The following CDH18 variants were observed in gnomAD, a reference collection of about 807,000 sequenced individuals.
The protein encoded by CDH18 is cadherin 18.
In CDH18, 31 loss-of-function variants were observed where a neutral mutation model predicts 67.9. The ratio of observed to expected loss-of-function variants is 0.46; its 90% confidence interval spans 0.34 to 0.62. The LOEUF is 0.62. Ranked by LOEUF, CDH18 falls within the 20% of genes least tolerant of loss-of-function variation. The pLI is 0.01. For missense variants in CDH18, 890 were observed against 975.5 expected (o/e 0.91, Z 1.17); for synonymous variants, 362 against 347.2 (o/e 1.04, Z -0.48).
At chr5:20,234,384 T>C (rs939325967) in intron 2 of CDH18, among the ~76,000 whole-genome samples, 1 of 152,206 alleles carries the variant, frequency 6.6e-6, no homozygotes, top group African/African-American at 2.4e-5. Flanking sequence ...CCTATCATTC[T>C]ATCTCTAAAC....
chr5:19,628,424 T>G (rs1751881831), intron 5 of CDH18, among the ~76,000 whole-genome samples: 1 of 152,108 alleles, frequency 6.6e-6, no homozygotes, highest in Admixed American at 6.6e-5. Context: ...ATAAATTGTG[T>G]GGAACAATGA....
intron 1 of CDH18, among the ~76,000 whole-genome samples, chr5:20,491,205 T>TTATTAC (rs974342344): frequency 1.3e-5 from 2 of 150,420 alleles, no homozygotes; most frequent in African/African-American, 4.9e-5. Context: ...TTTATTATTA[T>TTATTAC]TATTATTATT....
At chr5:19,898,962 T>C (rs568107317) in intron 2 of CDH18, among the ~76,000 whole-genome samples, 25 of 152,110 alleles carry the variant, frequency 1.6e-4, no homozygotes, top group Non-Finnish European at 2.9e-4. Flanking sequence ...CAAGAGCAAA[T>C]AACCAAATAA....
chr5:20,173,894 AG>A (rs1352157460), intron 2 of CDH18, among the ~76,000 whole-genome samples: 3 of 152,170 alleles, frequency 2.0e-5, no homozygotes, highest in Non-Finnish European at 4.4e-5. Flanking sequence ...TCTATGTAGT[AG>A]TGGGCTAAAA....
At chr5:20,034,044 T>C (rs950965686) in intron 2 of CDH18, among the ~76,000 whole-genome samples, 1 of 152,030 alleles carries the variant, frequency 6.6e-6, no homozygotes, top group African/African-American at 2.4e-5. Flanking sequence ...ATAAAACAGA[T>C]GGCAGTGGAA....
chr5:20,095,603 G>GAAAGAAAGAAGAAAGAAAGA (rs1561786778), intron 2 of CDH18, among the ~76,000 whole-genome samples: 6 of 141,642 alleles, frequency 4.2e-5, no homozygotes, highest in South Asian at 2.2e-4. Context: ...AAAGAAGAAA[G>GAAAGAAAGAAGAAAGAAAGA]AAAGAAAAGA....
chr5:20,246,549 T>C (rs1043714751), intron 2 of CDH18, among the ~76,000 whole-genome samples: 3 of 151,816 alleles, frequency 2.0e-5, no homozygotes, highest in Non-Finnish European at 4.4e-5. Flanking sequence ...TTTCTTCTAT[T>C]TTACTTGAGA....
rs192283987 is a variant in CDH18, at chr5:19,967,192, G to A, written c.-257+13868C>T. 2.0e-4 allele frequency among the ~76,000 whole-genome samples: 31 copies of A among 152,076 alleles called. No individual in the cohort carries two copies. In the East Asian group the frequency reaches 4.6e-3, roughly 23 times the overall value. On this transcript the variant is annotated intron_variant, in intron 2 of 12. Transcript: ENST00000382275. ...TAGGAGAGATTAACGATATTGATGT[G>A]ATAGTTACTTGATTCAGAAATTTGC...
At chr5:20,374,790 TA>T (rs1743278805) in intron 1 of CDH18, among the ~76,000 whole-genome samples, 1 of 152,116 alleles carries the variant, frequency 6.6e-6, no homozygotes, top group South Asian at 2.1e-4. Context: ...AAAATTAATA[TA>T]AAAATATATC....
chr5:19,516,108 A>G (rs1745949531), intron 10 of CDH18, among the ~76,000 whole-genome samples: 1 of 152,122 alleles, frequency 6.6e-6, no homozygotes, highest in South Asian at 2.1e-4. Context: ...CGAGATAATT[A>G]TGTGGTTTTT....
intron 1 of CDH18, among the ~76,000 whole-genome samples, chr5:20,341,819 CA>C (rs931654466): frequency 4.4e-4 from 64 of 145,144 alleles, no homozygotes; most frequent in African/African-American, 8.6e-4. Flanking sequence ...GAGAGTCATG[CA>C]AAAAAAAAAT....
intron 12 of CDH18, among the ~76,000 whole-genome samples, chr5:19,481,938 T>C (rs1561157732): frequency 6.6e-6 from 1 of 152,164 alleles, no homozygotes; most frequent in Non-Finnish European, 1.5e-5. Flanking sequence ...TTTCTTGTTA[T>C]TACAATACAG....
At chr5:19,967,709 C>CAAAATAA (rs1475536258) in intron 2 of CDH18, among the ~76,000 whole-genome samples, 5 of 152,118 alleles carry the variant, frequency 3.3e-5, no homozygotes, top group African/African-American at 1.2e-4. Flanking sequence ...TAAGAGCTAT[C>CAAAATAA]TATGACAAAC....
chr5:20,552,780 GTC>G (rs1757703830), intron 1 of CDH18, among the ~76,000 whole-genome samples: 1 of 151,250 alleles, frequency 6.6e-6, no homozygotes, highest in Non-Finnish European at 1.5e-5. Flanking sequence ...TTCAAACAGA[GTC>G]TTGCTCTGTT....
At chr5:20,143,923 G>C (rs2126536130) in intron 2 of CDH18, among the ~76,000 whole-genome samples, 1 of 152,274 alleles carries the variant, frequency 6.6e-6, no homozygotes, top group South Asian at 2.1e-4. Context: ...GTCAGTAGAA[G>C]CCAGGAATAC....
At chr5:20,350,876 AT>A (rs1741114461) in intron 1 of CDH18, among the ~76,000 whole-genome samples, 1 of 152,096 alleles carries the variant, frequency 6.6e-6, no homozygotes, top group Non-Finnish European at 1.5e-5. Flanking sequence ...TTCTTTGAAA[AT>A]TTTAGTTTCT....
rs144476667 is a variant in CDH18, at chr5:20,275,737, A to G, written c.-579-20232T>C. Among the ~76,000 whole-genome samples the G allele has an allele frequency of 5.7e-4, 87 of 152,328 alleles. No homozygotes were observed. The South Asian group carries it at 0.016, about 28-fold the overall frequency. On this transcript the variant is annotated intron_variant, in intron 1 of 14. Transcript: ENST00000507958. ...ATCACCTTAATAAGAATCAAACTTCAGGTGAGTGATCAAAGTACCTGGTTT... is the reference window on the plus strand; with the variant it reads ...ATCACCTTAATAAGAATCAAACTTCGGGTGAGTGATCAAAGTACCTGGTTT...
chr5:20,458,949 A>G (rs1321205666), intron 1 of CDH18, among the ~76,000 whole-genome samples: 1 of 152,210 alleles, frequency 6.6e-6, no homozygotes, highest in Non-Finnish European at 1.5e-5. Flanking sequence ...AATATTCCAC[A>G]TAGTTCTTTA....
rs562655039 is a variant in CDH18 at position 20,376,091 on chromosome 5, A to ATTTTTTT, written c.-579-120593_-579-120587dup. The stretch of plus-strand genomic sequence containing the variant: ...ACAGTAAGCAATTTAAAAAGAAACA[A>ATTTTTTT]TTTTTTTTTTTTTTTTTTTTGAGAC... On this transcript the variant is annotated intron_variant, in intron 1 of 14. Coordinates refer to the CDH18 transcript ENST00000507958. Among the ~76,000 whole-genome samples, 159 of 49,764 alleles carry ATTTTTTT rather than the reference A, an allele frequency of 3.2e-3. 54 individuals carry two copies. Among genetic ancestry groups the ATTTTTTT allele is most frequent in the South Asian group, 0.013 (9 of 720 alleles). 32.6% of individuals were successfully genotyped at this position (49,764 alleles called of 152,430 possible).
Sources: allele counts gnomAD v4.1 joint callset (sites outside exome capture counted in the v4.1 genomes callset), GRCh38; gene constraint gnomAD v4.1.1; transcripts MANE v1.5; gene names NCBI Gene and HGNC (gene_info 2026-07-23, HGNC 2026-07-21).